NT5DC1: variants seen among roughly 807,000 people sequenced by gnomAD.
NT5DC1 encodes the protein 5'-nucleotidase domain-containing protein 1.
Under a neutral mutation model 59.4 loss-of-function variants are expected in NT5DC1, and 42 were observed. That is an observed-to-expected ratio of 0.71 (90% CI 0.55 to 0.92). NT5DC1 has a LOEUF of 0.92. NT5DC1 is among the 40% of genes least tolerant of loss of function. NT5DC1 has a pLI of 0.00. For missense variants in NT5DC1, 501 were observed against 537.1 expected, an observed-to-expected ratio of 0.93 and a Z score of 0.66; for synonymous variants, 172 against 188.1, an observed-to-expected ratio of 0.91 and a Z score of 0.70.
At chr6:116,236,059 T>G (rs1782108431) in intron 8 of NT5DC1, among the ~76,000 whole-genome samples, 1 of 152,194 alleles carries the variant, frequency 6.6e-6, no homozygotes, top group Non-Finnish European at 1.5e-5. Flanking sequence ...CAGCATAGGA[T>G]TGTATCTCAT....
Position 116,121,370 on chromosome 6 carries a change from G to C in NT5DC1, c.529+3425G>C, listed in dbSNP as rs188598435. 44 of 1,614,124 alleles carry C rather than the reference G, an allele frequency of 2.7e-5. No individual in the cohort carries two copies. In the East Asian group the frequency reaches 9.4e-4, roughly 34 times the overall value. On this transcript the variant is annotated intron_variant, in intron 6 of 11. Transcript: ENST00000319550. ...TTCCCCAGGAGGGCCTTGGGGACCT[G>C]GTGGGCCAATTGGTCCCATTTCTCC...
intron 4 of NT5DC1, among the ~76,000 whole-genome samples, chr6:116,114,682 C>T (rs1778933882): frequency 6.6e-6 from 1 of 152,060 alleles, no homozygotes; most frequent in South Asian, 2.1e-4. Flanking sequence ...TGGGTTCCCT[C>T]AAAAGCAGAG....
intron 6 of NT5DC1, among the ~76,000 whole-genome samples, chr6:116,204,600 C>T (rs933901980): frequency 1.3e-5 from 2 of 151,870 alleles, no homozygotes; most frequent in Middle Eastern, 3.2e-3. Flanking sequence ...TGCAATGAGC[C>T]AGCCGTTTAA....
Position 116,182,601 on chromosome 6 carries a change from C to T in NT5DC1, c.530-38453C>T, listed in dbSNP as rs1423915530. Among the ~76,000 whole-genome samples, 4 of 152,028 alleles carry T rather than the reference C, an allele frequency of 2.6e-5. No individual in the cohort carries two copies. The East Asian group carries it at 7.7e-4, about 29-fold the overall frequency. The stretch of plus-strand genomic sequence containing the variant: ...TTGTCGCAGGAGTAAGGTGGTATCA[C>T]ATTATGGTTTTGGTTTGCATTTCCC... On this transcript the variant is annotated intron_variant, in intron 6 of 11. Transcript: ENST00000319550.
At chr6:116,117,392 AATAT>A (rs1778986445) in intron 5 of NT5DC1, among the ~76,000 whole-genome samples, 1 of 152,186 alleles carries the variant, frequency 6.6e-6, no homozygotes. Context: ...TGTTTTGTAA[AATAT>A]AAACTTATAT....
At chr6:116,140,880 GT>G (rs1249871068) in intron 6 of NT5DC1, among the ~76,000 whole-genome samples, 11 of 152,160 alleles carry the variant, frequency 7.2e-5, no homozygotes, top group African/African-American at 2.7e-4. Context: ...TTTTTTATCT[GT>G]GATGGATATT....
chr6:116,166,943 C>T (rs1780482915), intron 6 of NT5DC1, among the ~76,000 whole-genome samples: 1 of 152,052 alleles, frequency 6.6e-6, no homozygotes, highest in Admixed American at 6.6e-5. Context: ...ATCTTGCCTT[C>T]CTTTCTTGTC....
At chr6:116,228,347 A>G (rs978521796) in intron 8 of NT5DC1, among the ~76,000 whole-genome samples, 1 of 152,212 alleles carries the variant, frequency 6.6e-6, no homozygotes. Context: ...CGTCTCTACT[A>G]AAAATATAAA....
intron 6 of NT5DC1, among the ~76,000 whole-genome samples, chr6:116,143,733 T>C (rs1273040592): frequency 6.6e-6 from 1 of 152,316 alleles, no homozygotes; most frequent in Non-Finnish European, 1.5e-5. Context: ...TAAGTGATTG[T>C]TTTATGGATA....
At chr6:116,235,644 A>G (rs1582886641) in intron 8 of NT5DC1, among the ~76,000 whole-genome samples, 1 of 152,348 alleles carries the variant, frequency 6.6e-6, no homozygotes, top group Middle Eastern at 3.4e-3. Flanking sequence ...CATTTCAGTT[A>G]TAATGATCAA....
intron 6 of NT5DC1, among the ~76,000 whole-genome samples, chr6:116,199,111 G>A (rs868117368): frequency 6.6e-6 from 1 of 151,934 alleles, no homozygotes; most frequent in Admixed American, 6.6e-5. Context: ...AAATGTCCCT[G>A]GGGGGTGAGG....
chr6:116,207,363 G>C (rs1450319401), intron 6 of NT5DC1, among the ~76,000 whole-genome samples: 7 of 33,296 alleles, frequency 2.1e-4, no homozygotes, highest in Admixed American at 3.8e-4. Flanking sequence ...ATTCTAAAGA[G>C]AGAAAGCAAA....
intron 9 of NT5DC1, among the ~76,000 whole-genome samples, chr6:116,237,975 G>A (rs1044774964): frequency 6.6e-6 from 1 of 152,166 alleles, no homozygotes; most frequent in African/African-American, 2.4e-5. Context: ...TGAATGTGTT[G>A]TATAACTTCT....
At chr6:116,156,520 A>G (rs764928694) in intron 6 of NT5DC1, among the ~76,000 whole-genome samples, 1 of 152,218 alleles carries the variant, frequency 6.6e-6, no homozygotes, top group Non-Finnish European at 1.5e-5. Context: ...TAAGGAAGAC[A>G]TGGGCAAAGT....
intron 6 of NT5DC1, among the ~76,000 whole-genome samples, chr6:116,156,133 A>C (rs1482952608): frequency 1.3e-5 from 2 of 152,188 alleles, no homozygotes; most frequent in Admixed American, 1.3e-4. Context: ...CTTTGAAAGC[A>C]TATCTTCAGT....
At chr6:116,134,714 A>G (rs1311650617) in intron 6 of NT5DC1, among the ~76,000 whole-genome samples, 2 of 152,204 alleles carry the variant, frequency 1.3e-5, no homozygotes, top group African/African-American at 4.8e-5. Context: ...ACTTCTTCCC[A>G]AAGTAGTTTT....
intron 8 of NT5DC1, among the ~76,000 whole-genome samples, chr6:116,223,951 AGCTG>A (rs1781859208): frequency 6.6e-6 from 1 of 152,238 alleles, no homozygotes; most frequent in Non-Finnish European, 1.5e-5. Context: ...CTAGAAATCT[AGCTG>A]TATTTTAAAC....
At chr6:116,201,714 G>A (rs549365783) in intron 6 of NT5DC1, among the ~76,000 whole-genome samples, 1 of 152,098 alleles carries the variant, frequency 6.6e-6, no homozygotes, top group East Asian at 1.9e-4. Flanking sequence ...TGAGGTCATG[G>A]GCAAGGACAT....
chr6:116,191,827 C>T lies in NT5DC1; in HGVS notation c.530-29227C>T, dbSNP rs574990762. On this transcript the variant is annotated intron_variant, in intron 6 of 11. Transcript: ENST00000319550. ...ATTTATATATTTGTATTCCCCAAAC[C>T]TTAAGGCTGCCTGGTTCTCATTGCT... 7.9e-5 allele frequency among the ~76,000 whole-genome samples: 12 copies of T among 152,084 alleles called. No individual in the cohort carries two copies. In the South Asian group the frequency reaches 2.5e-3, roughly 32 times the overall value.
Sources: allele counts gnomAD v4.1 joint callset (sites outside exome capture counted in the v4.1 genomes callset), GRCh38; gene constraint gnomAD v4.1.1; transcripts MANE v1.5; gene names NCBI Gene and HGNC (gene_info 2026-07-23, HGNC 2026-07-21).